The following TMEM200A variants were observed in gnomAD, a reference collection of about 807,000 sequenced individuals.
TMEM200A encodes transmembrane protein 200A.
A neutral mutation model predicts 24.3 loss-of-function variants in TMEM200A; 12 were observed. The observed-to-expected ratio is 0.49, with a 90% CI of 0.32 to 0.80. The LOEUF (loss-of-function observed/expected upper bound fraction) is 0.80, where lower values mean the gene tolerates loss of function less well. TMEM200A is among the 30% of genes least tolerant of loss of function. TMEM200A has a pLI of 0.04. For missense variants in TMEM200A, 545 were observed against 614.4 expected (o/e 0.89, Z 1.19); for synonymous variants, 224 against 224.4 (o/e 1.00, Z 0.02).
intron 2 of TMEM200A, among the ~76,000 whole-genome samples, chr6:130,387,752 T>C (rs1383762378): frequency 6.6e-6 from 1 of 152,210 alleles, no homozygotes. Context: ...TTAATTATGT[T>C]TCCCCAAAAC....
chr6:130,411,718 C>G (rs1779334209), intron 2 of TMEM200A, among the ~76,000 whole-genome samples: 2 of 152,142 alleles, frequency 1.3e-5, no homozygotes, highest in African/African-American at 4.8e-5. Flanking sequence ...TTGTTAGATT[C>G]AGGTTTGGCA....
chr6:130,379,226 TGGA>T (rs966601059), intron 1 of TMEM200A, among the ~76,000 whole-genome samples: 2 of 151,940 alleles, frequency 1.3e-5, no homozygotes, highest in African/African-American at 4.8e-5. Context: ...GAGAACTGTG[TGGA>T]GAATTTTTCA....
intron 2 of TMEM200A, among the ~76,000 whole-genome samples, chr6:130,409,165 T>A (rs1471099030): frequency 6.6e-6 from 1 of 152,208 alleles, no homozygotes; most frequent in Non-Finnish European, 1.5e-5. Context: ...TACCTTTTCC[T>A]GCACCCTCTT....
intron 1 of TMEM200A, among the ~76,000 whole-genome samples, chr6:130,382,588 T>C (rs1778626112): frequency 6.6e-6 from 1 of 152,194 alleles, no homozygotes; most frequent in African/African-American, 2.4e-5. Context: ...ATCTTCTGTC[T>C]CTATCCTAAA....
chr6:130,418,637 A>T (rs1326628995), intron 2 of TMEM200A, among the ~76,000 whole-genome samples: 1 of 152,154 alleles, frequency 6.6e-6, no homozygotes, highest in Non-Finnish European at 1.5e-5. Flanking sequence ...GGCTTAGAGT[A>T]CATTTAGTCA....
intron 2 of TMEM200A, among the ~76,000 whole-genome samples, chr6:130,426,731 T>TATC (rs1171462985): frequency 1.3e-5 from 2 of 152,162 alleles, no homozygotes; most frequent in Admixed American, 1.3e-4. Flanking sequence ...AGGAGGAAGC[T>TATC]ATCAATAAGT....
chr6:130,386,292 T>A (rs749201338), intron 2 of TMEM200A, among the ~76,000 whole-genome samples: 26 of 152,234 alleles, frequency 1.7e-4, no homozygotes, highest in African/African-American at 5.3e-4. Flanking sequence ...AGCACTTGAG[T>A]GTTTCAAAGT....
rs1778135046 is a variant in TMEM200A, at chr6:130,366,095, C to T, written c.-510C>T. 1 of 985,562 alleles carries T rather than the reference C, an allele frequency of 1.0e-6. No individual in the cohort carries two copies. Among genetic ancestry groups the T allele is most frequent in the African/African-American group, 1.7e-5 (1 of 57,254 alleles). 61.1% of individuals were successfully genotyped at this position (985,562 alleles called of 1,614,324 possible). A position where few individuals can be genotyped will look rare whatever the true frequency, so the allele number is the denominator to read the frequency against. On this transcript the variant is annotated 5_prime_UTR_variant, in exon 1 of 3. Transcript: ENST00000296978. The surrounding 1 kb of genome is among the most constrained non-coding windows in gnomAD (Gnocchi z 4.4). ...TTCTTGGACGCGGTGGCGGCGCCGCCTGAGCGGCGACTCCCTCTCCCCTGC... is the reference window on the plus strand; with the variant it reads ...TTCTTGGACGCGGTGGCGGCGCCGCTTGAGCGGCGACTCCCTCTCCCCTGC...
At chr6:130,398,937 A>G (rs942312580) in intron 2 of TMEM200A, among the ~76,000 whole-genome samples, 6 of 151,972 alleles carry the variant, frequency 3.9e-5, no homozygotes, top group Admixed American at 1.3e-4. Flanking sequence ...ACTAAAGTCT[A>G]TCCTTTAGTA....
At chr6:130,375,354 A>C (rs964760148) in intron 1 of TMEM200A, among the ~76,000 whole-genome samples, 3 of 152,194 alleles carry the variant, frequency 2.0e-5, no homozygotes, top group African/African-American at 7.2e-5. Context: ...AAGACACATA[A>C]AATCTCTTAT....
intron 1 of TMEM200A, among the ~76,000 whole-genome samples, chr6:130,372,644 G>T (rs866801447): frequency 1.3e-5 from 2 of 152,198 alleles, no homozygotes; most frequent in African/African-American, 4.8e-5. Context: ...GTGTGTACTT[G>T]AGGATGCTCT....
chr6:130,386,305 T>C (rs904245669), intron 2 of TMEM200A, among the ~76,000 whole-genome samples: 43 of 152,320 alleles, frequency 2.8e-4, no homozygotes, highest in African/African-American at 8.9e-4. Context: ...TTCAAAGTCT[T>C]CTTTGCTAAA....
rs1210972501 is a variant in TMEM200A at position 130,441,013 on chromosome 6, T to C, written c.591T>C (p.Asn197=). The change falls in exon 3 of 3, where the codon AAT becomes AAC. Residue 197 remains asparagine, a synonymous_variant. Coordinates refer to ENST00000296978, the MANE Select transcript of TMEM200A (RefSeq NM_001258277.2). Reference sequence around the variant, plus strand: ...TGGGAGAAACAGAAGTAAAACAGAATGGGAGCTCCTGTGCCTCGAGATTGG... The same window carrying C: ...TGGGAGAAACAGAAGTAAAACAGAACGGGAGCTCCTGTGCCTCGAGATTGG... ...GLMGETEVKQ[N]GSSCASRLAA... 1.2e-6 allele frequency: 2 copies of C among 1,613,778 alleles called. No homozygotes were observed. The highest frequency in any genetic ancestry group is 2.7e-5 in the African/African-American group (2 of 74,902).
At chr6:130,374,995 A>G (rs923194906) in intron 1 of TMEM200A, among the ~76,000 whole-genome samples, 3 of 152,206 alleles carry the variant, frequency 2.0e-5, no homozygotes, top group Non-Finnish European at 4.4e-5. Context: ...GTAGCAGTCA[A>G]TTTGAGGTGG....
At chr6:130,439,041 T>C (rs747928677) in intron 2 of TMEM200A, 2 of 152,100 alleles carry the variant, frequency 1.3e-5, no homozygotes, top group African/African-American at 2.4e-5. Flanking sequence ...TACAGAACAT[T>C]TGTTAGGTTT....
At chr6:130,396,989 A>T (rs1341069006) in intron 2 of TMEM200A, among the ~76,000 whole-genome samples, 1 of 152,078 alleles carries the variant, frequency 6.6e-6, no homozygotes, top group Admixed American at 6.6e-5. Context: ...GCATTGTCTT[A>T]TGTACGTTTA....
chr6:130,370,028 A>G (rs1364440730), intron 1 of TMEM200A, among the ~76,000 whole-genome samples: 3 of 152,238 alleles, frequency 2.0e-5, no homozygotes, highest in African/African-American at 7.2e-5. Context: ...ATTGGACCAG[A>G]AAGTCCAAAG....
intron 2 of TMEM200A, among the ~76,000 whole-genome samples, chr6:130,426,398 G>A (rs973633879): frequency 2.4e-4 from 34 of 141,386 alleles, no homozygotes; most frequent in African/African-American, 8.8e-4. Flanking sequence ...ATTCAGTCTC[G>A]CTTCATCATC....
intron 2 of TMEM200A, among the ~76,000 whole-genome samples, chr6:130,410,194 T>C (rs1465303556): frequency 1.3e-5 from 2 of 152,186 alleles, no homozygotes; most frequent in Non-Finnish European, 2.9e-5. Context: ...TGAGTGGGAA[T>C]TCCCTGTGTG....
Sources: allele counts gnomAD v4.1 joint callset (sites outside exome capture counted in the v4.1 genomes callset), GRCh38; gene constraint gnomAD v4.1.1; non-coding constraint Gnocchi (gnomAD v3.1); transcripts MANE v1.5; gene names NCBI Gene and HGNC (gene_info 2026-07-23, HGNC 2026-07-21).